The following EFNA4 variants were observed in gnomAD, a reference collection of about 807,000 sequenced individuals.
EFNA4 encodes ephrin A4, also known as ephrin-A4.
In EFNA4, 22 loss-of-function variants were observed where a neutral mutation model predicts 23.7. The observed-to-expected ratio is 0.93, with a 90% CI of 0.66 to 1.32. The LOEUF (loss-of-function observed/expected upper bound fraction) is 1.32, where lower values mean the gene tolerates loss of function less well. EFNA4 is among the 40% of genes most tolerant of loss of function. The pLI is 0.00. For synonymous variants in EFNA4, 113 were observed against 108.3 expected, an observed-to-expected ratio of 1.04 and a Z score of -0.27; for missense variants, 252 against 252.3, an observed-to-expected ratio of 1.00 and a Z score of 0.01.
At chr1:155,065,051 C>T (rs1662972955) in intron 1 of EFNA4, among the ~76,000 whole-genome samples, 1 of 152,218 alleles carries the variant, frequency 6.6e-6, no homozygotes, top group South Asian at 2.1e-4. Flanking sequence ...ATTCAGGTTT[C>T]TCACCCCCCA....
At chr1:155,067,465 C>G in intron 3 of EFNA4, 25 bp downstream of exon 3, 4 of 1,613,588 alleles carry the variant, frequency 2.5e-6, no homozygotes, top group Non-Finnish European at 3.4e-6. Context: ...AGCATGGACC[C>G]TACTGGCTAA....
In EFNA4 at chr1:155,067,496, G is replaced by A. The variant is rs1571654145; in HGVS notation, c.469+56G>A. The A allele has an allele frequency of 1.9e-6, 3 of 1,594,148 alleles. No homozygotes were observed. In the East Asian group the frequency reaches 6.7e-5, roughly 36 times the overall value. On this transcript the variant is annotated intron_variant, in intron 3 of 3. Transcript: ENST00000368409. ...GCTAATGTGGGGCCTTGGGAAGGAG[G>A]GAAGGAGTGAGAAGAATCTAGGAGG...
Position 155,069,050 on chromosome 1 carries a change from AG to A in EFNA4, c.*63del, listed in dbSNP as rs746080148. 1.2e-6 allele frequency: 2 copies of A among 1,611,832 alleles called. No homozygotes were observed. Among genetic ancestry groups the A allele is most frequent in the East Asian group, 4.5e-5 (2 of 44,862 alleles). ...GAGTCCTCCCAAGATCCCCTGGAGG[AG>A]GAGGGATCCCTGCTGCCTGCACTGG... On this transcript the variant is annotated 3_prime_UTR_variant, in exon 4 of 4. Transcript: ENST00000368409.
At chr1:155,065,302 G>A (rs1016882836) in intron 1 of EFNA4, among the ~76,000 whole-genome samples, 6 of 152,088 alleles carry the variant, frequency 3.9e-5, no homozygotes, top group Non-Finnish European at 2.9e-5. Flanking sequence ...GTCATGCTTC[G>A]CTGTGTTTGT....
chr1:155,069,341 C>T lies in EFNA4; in HGVS notation c.*352C>T, dbSNP rs1051454441. The T allele has an allele frequency of 7.0e-6, 5 of 719,310 alleles. No homozygotes were observed. In the South Asian group the frequency reaches 9.1e-5, roughly 13 times the overall value. 44.6% of individuals were successfully genotyped at this position (719,310 alleles called of 1,614,324 possible). A position where few individuals can be genotyped will look rare whatever the true frequency, so the allele number is the denominator to read the frequency against. On this transcript the variant is annotated 3_prime_UTR_variant, in exon 4 of 4. Transcript: ENST00000368409. ...CCAGGCTGAAGACCTGGGGACAGGT[C>T]GATTGCTGGACCAGGGCAAAGAAGA...
intron 3 of EFNA4, among the ~76,000 whole-genome samples, chr1:155,068,528 C>A (rs961790728): frequency 9.6e-5 from 14 of 146,170 alleles, no homozygotes; most frequent in African/African-American, 2.8e-4. Context: ...GTGATCCACT[C>A]GCCTCAGCCT....
chr1:155,069,145 C>G lies in EFNA4; in HGVS notation c.*156C>G, dbSNP rs779905284. 1.6e-5 allele frequency: 26 copies of G among 1,609,898 alleles called. No homozygotes were observed. Among genetic ancestry groups the G allele is most frequent in the Non-Finnish European group, 2.2e-5 (26 of 1,178,772 alleles). On this transcript the variant is annotated 3_prime_UTR_variant, in exon 4 of 4. Coordinates refer to ENST00000368409, the MANE Select transcript of EFNA4 (RefSeq NM_005227.3). ...ATCAGAGGGTCTGAGGTGACTCTTG[C>G]AGGAGCCTGTCCCCTCATCACAGGC...
chr1:155,067,061 G>A (rs746579109), intron 2 of EFNA4, 45 bp downstream of exon 2: 2 of 1,552,438 alleles, frequency 1.3e-6, no homozygotes, highest in African/African-American at 1.4e-5. Context: ...GTACCAGAAG[G>A]GTAGGGAGGG....
chr1:155,065,193 C>A (rs114973352), intron 1 of EFNA4, among the ~76,000 whole-genome samples: 2,218 of 152,344 alleles, frequency 0.015, 25 homozygotes, highest in Non-Finnish European at 0.024. Context: ...GCTCAGCTTG[C>A]GTTCTAGTAA....
At chr1:155,064,440 A>G (rs900284900) in intron 1 of EFNA4, among the ~76,000 whole-genome samples, 2 of 152,040 alleles carry the variant, frequency 1.3e-5, no homozygotes, top group African/African-American at 2.4e-5. Context: ...GTTTCTTTCC[A>G]GTGTCAGCCC....
intron 3 of EFNA4, among the ~76,000 whole-genome samples, chr1:155,068,209 G>A (rs953658299): frequency 4.6e-5 from 7 of 151,514 alleles, no homozygotes; most frequent in Non-Finnish European, 1.0e-4. Flanking sequence ...GCCTCCCAAA[G>A]CACTGGAATT....
At chr1:155,065,295 A>C (rs1384786831) in intron 1 of EFNA4, among the ~76,000 whole-genome samples, 2 of 152,174 alleles carry the variant, frequency 1.3e-5, no homozygotes, top group Non-Finnish European at 2.9e-5. Context: ...TTCCTAAGTC[A>C]TGCTTCGCTG....
At chr1:155,068,123 A>C (rs1663094667) in intron 3 of EFNA4, among the ~76,000 whole-genome samples, 1 of 152,112 alleles carries the variant, frequency 6.6e-6, no homozygotes, top group South Asian at 2.1e-4. Context: ...TAGAGATGGG[A>C]TCTCAGGCTG....
rs1197025650 is a variant in EFNA4, at chr1:155,063,941, C to T, written c.113+5C>T. 7.2e-6 allele frequency: 11 copies of T among 1,538,450 alleles called. No homozygotes were observed. The Admixed American group carries it at 1.0e-4, about 14-fold the overall frequency. Reference sequence around the variant, plus strand: ...CTGGAACTCCAGTAACCCCAGGTAGCCGGGCCGAACCGGGCGAGCGCACAG... The same window carrying T: ...CTGGAACTCCAGTAACCCCAGGTAGTCGGGCCGAACCGGGCGAGCGCACAG... On this transcript the variant is annotated splice_donor_5th_base_variant and intron_variant, in intron 1 of 3. Transcript: ENST00000368409. The surrounding 1 kb of genome is among the most constrained non-coding windows in gnomAD (Gnocchi z 4.1).
intron 1 of EFNA4, 55 bp from the exon 2 acceptor site, chr1:155,066,675 T>C: frequency 6.6e-7 from 1 of 1,514,302 alleles, no homozygotes; most frequent in Non-Finnish European, 8.8e-7. Flanking sequence ...CTGGCATCCA[T>C]GGCCATGGCG....
intron 1 of EFNA4, among the ~76,000 whole-genome samples, chr1:155,066,026 G>T (rs1009718730): frequency 6.6e-6 from 1 of 151,826 alleles, no homozygotes; most frequent in Non-Finnish European, 1.5e-5. Flanking sequence ...GTGAGCCACC[G>T]CGCCCAGCCT....
chr1:155,067,255 A>C (rs2102443692), intron 2 of EFNA4, 117 bp from the exon 3 acceptor site: 1 of 1,285,166 alleles, frequency 7.8e-7, no homozygotes, highest in East Asian at 2.4e-5. Context: ...GCCCCAAAGT[A>C]AGGAAACGCT....
At position 155,069,025 on chromosome 1, in the gene EFNA4, GA is replaced by G. The variant is rs749132073; in HGVS notation, c.*37del. On this transcript the variant is annotated 3_prime_UTR_variant, in exon 4 of 4. Transcript: ENST00000368409. ...CCTTCCCTCTCATCCCAAGGAGCCA[GA>G]GTCCTCCCAAGATCCCCTGGAGGAG... 1.2e-6 allele frequency: 2 copies of G among 1,612,906 alleles called. No homozygotes were observed. The highest frequency in any genetic ancestry group is 1.7e-6 in the Non-Finnish European group (2 of 1,179,314).
At chr1:155,068,462 A>T (rs1355945408) in intron 3 of EFNA4, among the ~76,000 whole-genome samples, 239 of 6,862 alleles carry the variant, frequency 0.035, no homozygotes, top group Middle Eastern at 0.17. Flanking sequence ...TTTTTTTTTT[A>T]GTAGAGACAG....
Sources: gnomAD v4.1 joint callset for allele counts (sites outside exome capture counted in the v4.1 genomes callset) on GRCh38, gnomAD v4.1.1 for gene constraint, Gnocchi (gnomAD v3.1) non-coding constraint, MANE v1.5 for transcripts, NCBI Gene and HGNC (gene_info 2026-07-23, HGNC 2026-07-21) for gene names.